HECW2: variants seen among roughly 807,000 people sequenced by gnomAD.
HECW2 encodes the protein E3 ubiquitin-protein ligase HECW2.
In HECW2, 61 loss-of-function variants were observed where a neutral mutation model predicts 175.2. The ratio of observed to expected loss-of-function variants is 0.35; its 90% CI spans 0.28 to 0.43. HECW2 has a LOEUF of 0.43. HECW2 is among the 20% of genes least tolerant of loss of function. The probability of loss-of-function intolerance (pLI) is 1.00; values close to 1 mark genes in which losing one functional copy is unlikely to be tolerated. For missense variants in HECW2, 1,524 were observed against 2,000.5 expected, an observed-to-expected ratio of 0.76 and a Z score of 4.54; for synonymous variants, 671 against 731.0, an observed-to-expected ratio of 0.92 and a Z score of 1.32.
intron 1 of HECW2, among the ~76,000 whole-genome samples, chr2:196,527,115 C>A: frequency 6.6e-6 from 1 of 152,220 alleles, no homozygotes; most frequent in Non-Finnish European, 1.5e-5. Context: ...GACTGCTGTG[C>A]TAGCAATCAG....
At chr2:196,353,099 C>T (rs531235811) in intron 2 of HECW2, among the ~76,000 whole-genome samples, 8 of 152,244 alleles carry the variant, frequency 5.3e-5, no homozygotes, top group Middle Eastern at 6.8e-3. Flanking sequence ...CTACTTTCCC[C>T]GCCTCGCTCC....
At chr2:196,410,122 A>G (rs1172444807) in intron 2 of HECW2, among the ~76,000 whole-genome samples, 2 of 152,152 alleles carry the variant, frequency 1.3e-5, no homozygotes, top group African/African-American at 4.8e-5. Context: ...TGGCAGTGTT[A>G]TTGTGCAAGG....
intron 3 of HECW2, among the ~76,000 whole-genome samples, chr2:196,336,660 A>AT (rs1207809925): frequency 1.3e-5 from 2 of 151,962 alleles, no homozygotes; most frequent in Admixed American, 6.6e-5. Flanking sequence ...GTGACTGCTT[A>AT]TTTTTTTTGG....
intron 1 of HECW2, among the ~76,000 whole-genome samples, chr2:196,540,870 G>A (rs1689188138): frequency 6.6e-6 from 1 of 152,142 alleles, no homozygotes; most frequent in Non-Finnish European, 1.5e-5. Flanking sequence ...ACAAAGAAAT[G>A]GCTGTTCCTC....
rs577916983 is a variant in HECW2, at chr2:196,204,327, T to C, written c.4608-2939A>G. Among the ~76,000 whole-genome samples the C allele has an allele frequency of 1.5e-4, 22 of 149,718 alleles. 1 individual carries two copies. The highest frequency in any genetic ancestry group is 1.0e-3 in the South Asian group (5 of 4,764). ...TTCTCTACATCCTCACCAACACTTATTTCTTGTTTTTTGTTTGTTTGTTTG... is the reference window on the plus strand; with the variant it reads ...TTCTCTACATCCTCACCAACACTTACTTCTTGTTTTTTGTTTGTTTGTTTG... On this transcript the variant is annotated intron_variant, in intron 28 of 28. Coordinates refer to ENST00000644978, the MANE Select transcript of HECW2 (RefSeq NM_001348768.2).
chr2:196,494,188 G>A (rs937528283), intron 1 of HECW2, among the ~76,000 whole-genome samples: 9 of 152,184 alleles, frequency 5.9e-5, no homozygotes, highest in Admixed American at 5.2e-4. Flanking sequence ...TGCCAAGAGT[G>A]TAGCAGTGGG....
intron 2 of HECW2, among the ~76,000 whole-genome samples, chr2:196,399,666 A>G (rs1015900951): frequency 5.3e-5 from 8 of 152,222 alleles, no homozygotes; most frequent in African/African-American, 1.4e-4. Flanking sequence ...CAAAAACAAA[A>G]GTGGGATTCA....
intron 1 of HECW2, among the ~76,000 whole-genome samples, chr2:196,519,427 A>G (rs1688264677): frequency 6.6e-6 from 1 of 152,236 alleles, no homozygotes; most frequent in African/African-American, 2.4e-5. Flanking sequence ...TTCAGCTATA[A>G]TATCAGCATG....
intron 1 of HECW2, among the ~76,000 whole-genome samples, chr2:196,555,644 C>T (rs953009617): frequency 1.3e-5 from 2 of 152,096 alleles, no homozygotes; most frequent in African/African-American, 4.8e-5. Flanking sequence ...GTGACTTTAA[C>T]TGCTTAGAAA....
intron 2 of HECW2, among the ~76,000 whole-genome samples, chr2:196,402,048 A>C (rs183480341): frequency 1.7e-3 from 253 of 151,808 alleles, no homozygotes; most frequent in African/African-American, 5.7e-3. Flanking sequence ...AAAATACAAA[A>C]AAATTAGCCG....
rs879451699 is a variant in HECW2 at position 196,194,514 on chromosome 2, A to G, written c.*6763T>C. The G allele has an allele frequency of 6.6e-6, 1 of 152,222 alleles. No individual in the cohort carries two copies. The highest frequency in any genetic ancestry group is 6.5e-5 in the Admixed American group (1 of 15,282). The allele number at this position is 152,222 out of a possible 1,614,324, so 9.4% of individuals were successfully genotyped here. A position where few individuals can be genotyped will look rare whatever the true frequency, so the allele number is the denominator to read the frequency against. Reference sequence around the variant, plus strand: ...CTCAAAGCATTTCGGAATCATAAAAAATACAACAAAAGAGTCAGGGGTTCA... The same window carrying G: ...CTCAAAGCATTTCGGAATCATAAAAGATACAACAAAAGAGTCAGGGGTTCA... On this transcript the variant is annotated 3_prime_UTR_variant, in exon 29 of 29. Transcript: ENST00000644978.
chr2:196,330,795 C>T (rs1349301453), intron 4 of HECW2, among the ~76,000 whole-genome samples: 1 of 152,204 alleles, frequency 6.6e-6, no homozygotes, highest in Non-Finnish European at 1.5e-5. Flanking sequence ...TCCAACCCTG[C>T]TTCTTGGCTA....
At chr2:196,523,996 G>A (rs1338989726) in intron 1 of HECW2, among the ~76,000 whole-genome samples, 1 of 151,846 alleles carries the variant, frequency 6.6e-6, no homozygotes, top group Non-Finnish European at 1.5e-5. Context: ...CTCATAAAAT[G>A]AGTTAGGGAG....
chr2:196,396,292 T>C (rs959016165), intron 2 of HECW2, among the ~76,000 whole-genome samples: 2 of 152,186 alleles, frequency 1.3e-5, no homozygotes, highest in Non-Finnish European at 1.5e-5. Flanking sequence ...AGCACAAAAG[T>C]AATTGAGAAC....
intron 14 of HECW2, among the ~76,000 whole-genome samples, chr2:196,280,416 C>G (rs1025414973): frequency 2.0e-5 from 3 of 152,148 alleles, no homozygotes; most frequent in African/African-American, 7.2e-5. Flanking sequence ...TGTACATCAT[C>G]AAGAAATGGG....
intron 13 of HECW2, among the ~76,000 whole-genome samples, chr2:196,297,916 C>T (rs1690880421): frequency 6.6e-6 from 1 of 152,166 alleles, no homozygotes; most frequent in Non-Finnish European, 1.5e-5. Flanking sequence ...TTACATTGTT[C>T]TCATCTAGCT....
At chr2:196,451,550 A>C (rs956638758) in intron 1 of HECW2, among the ~76,000 whole-genome samples, 1 of 152,212 alleles carries the variant, frequency 6.6e-6, no homozygotes, top group Non-Finnish European at 1.5e-5. Flanking sequence ...TCTTTCTAAC[A>C]TCCAAAGAGT....
At chr2:196,456,972 A>G (rs543967128) in intron 1 of HECW2, among the ~76,000 whole-genome samples, 1 of 152,218 alleles carries the variant, frequency 6.6e-6, no homozygotes, top group Non-Finnish European at 1.5e-5. Flanking sequence ...AAATAAGTTT[A>G]TTGCTTCATA....
chr2:196,335,180 A>G (rs191239993), intron 3 of HECW2, among the ~76,000 whole-genome samples: 7 of 152,382 alleles, frequency 4.6e-5, no homozygotes, highest in African/African-American at 1.4e-4. Context: ...ACTGATGTCT[A>G]TATCTCACAG....
Sources: allele counts gnomAD v4.1 joint callset (sites outside exome capture counted in the v4.1 genomes callset), GRCh38; gene constraint gnomAD v4.1.1; transcripts MANE v1.5; gene names NCBI Gene and HGNC (gene_info 2026-07-23, HGNC 2026-07-21).